ATP6AP2: variants seen among roughly 807,000 people sequenced by gnomAD.
ATP6AP2 encodes renin receptor.
In ATP6AP2, 1 loss-of-function variant was observed where a neutral mutation model predicts 23.4. The observed-to-expected ratio is 0.04, with a 90% CI of 0.02 to 0.20. The LOEUF (loss-of-function observed/expected upper bound fraction) is 0.20. Ranked by LOEUF, ATP6AP2 falls within the 10% of genes least tolerant of loss-of-function variation. ATP6AP2 has a pLI of 1.00. For synonymous variants in ATP6AP2, 90 were observed against 97.1 expected (o/e 0.93, Z 0.43); for missense variants, 174 against 271.3 (o/e 0.64, Z 2.52).
At chrX:40,589,558 GT>G (rs202012320) in intron 2 of ATP6AP2, 722 of 106,911 alleles carry the variant, frequency 6.8e-3, no homozygotes, top group South Asian at 0.014. Flanking sequence ...CTACTTTCTG[GT>G]TTTTTTTTTT....
intron 1 of ATP6AP2, among the ~76,000 whole-genome samples, chrX:40,583,676 G>A (rs1426347067): frequency 8.9e-6 from 1 of 111,806 alleles, no homozygotes; most frequent in East Asian, 2.8e-4. Context: ...GCATGACAAG[G>A]GTCATAAGGC....
intron 3 of ATP6AP2, chrX:40,592,312 C>T (rs370167160): frequency 2.7e-5 from 3 of 111,889 alleles, no homozygotes; most frequent in South Asian, 3.6e-4. Flanking sequence ...CTTAGAACTA[C>T]GGAGAATAGG....
chrX:40,585,815 C>T (rs779637304), intron 1 of ATP6AP2, among the ~76,000 whole-genome samples: 1 of 111,093 alleles, frequency 9.0e-6, no homozygotes, highest in Non-Finnish European at 1.9e-5. Context: ...GAGATCCTTA[C>T]CACTGCACTC....
chrX:40,589,597 T>C (rs1198606635), intron 2 of ATP6AP2: 2 of 117,339 alleles, frequency 1.7e-5, no homozygotes, highest in East Asian at 5.3e-4. Context: ...TCACTATGAA[T>C]GATAAAATAT....
At chrX:40,591,685 T>G (rs1926633519) in intron 3 of ATP6AP2, 3 of 251,842 alleles carry the variant, frequency 1.2e-5, no homozygotes. Context: ...CTACTGTTTT[T>G]TTGGCCATTG....
chrX:40,586,753 T>C lies in ATP6AP2; in HGVS notation c.38-2233T>C, dbSNP rs746541340. Among the ~76,000 whole-genome samples, 16 of 111,964 alleles carry C rather than the reference T, an allele frequency of 1.4e-4. No individual in the cohort carries two copies. In the South Asian group the frequency reaches 6.0e-3, roughly 42 times the overall value. On this transcript the variant is annotated intron_variant, in intron 1 of 8. Coordinates refer to ENST00000636580, the MANE Select transcript of ATP6AP2 (RefSeq NM_005765.3). ...TATCCCTGAGACATGCTTATACTTA[T>C]AATAAGCAGAAGTTTGGACAAATGA... is the stretch of plus-strand genomic sequence containing the variant.
chrX:40,600,704 TA>T, intron 7 of ATP6AP2, 57 bp from the exon 8 acceptor site: 2 of 1,120,033 alleles, frequency 1.8e-6, no homozygotes, highest in Admixed American at 2.4e-5. Context: ...ATTTGTTAAT[TA>T]AAAATGAAAA....
intron 1 of ATP6AP2, among the ~76,000 whole-genome samples, chrX:40,585,221 C>T (rs1926433541): frequency 8.9e-6 from 1 of 111,895 alleles, no homozygotes; most frequent in African/African-American, 3.3e-5. Flanking sequence ...AAATCAAATA[C>T]ATAATCTATT....
At chrX:40,581,242 G>C (rs867497089) in intron 1 of ATP6AP2, 140 bp downstream of exon 1, 226 of 673,142 alleles carry the variant, frequency 3.4e-4, no homozygotes, top group Middle Eastern at 2.7e-3. Flanking sequence ...CCTCAGCCGC[G>C]TCCCCGTCAG....
chrX:40,594,979 A>G (rs1175452813), intron 3 of ATP6AP2, among the ~76,000 whole-genome samples: 1 of 112,291 alleles, frequency 8.9e-6, no homozygotes, highest in Non-Finnish European at 1.9e-5. Flanking sequence ...GTAAATACAC[A>G]TAAAGTAGAA....
chrX:40,588,978 C>A lies in ATP6AP2; in HGVS notation c.38-8C>A, dbSNP rs1205121020. 1.7e-6 allele frequency: 2 copies of A among 1,206,874 alleles called. No individual in the cohort carries two copies. The highest frequency in any genetic ancestry group is 3.0e-5 in the East Asian group (1 of 33,825). ...GATAATTCATTTACTGATCTGTTTT[C>A]TTTTCAGGTGTTTTGGGGAACGAGT... On this transcript the variant is annotated splice_polypyrimidine_tract_variant and splice_region_variant and intron_variant, in intron 1 of 8. Coordinates refer to ENST00000636580, the MANE Select transcript of ATP6AP2 (RefSeq NM_005765.3).
intron 1 of ATP6AP2, among the ~76,000 whole-genome samples, chrX:40,584,222 G>T (rs891936623): frequency 9.1e-6 from 1 of 110,137 alleles, no homozygotes; most frequent in Non-Finnish European, 1.9e-5. Flanking sequence ...GACCACAGGC[G>T]CATGCCACCA....
intron 2 of ATP6AP2, chrX:40,589,956 C>T (rs928236486): frequency 1.8e-5 from 2 of 112,409 alleles, no homozygotes; most frequent in African/African-American, 6.5e-5. Context: ...CACTGCCAGG[C>T]CTAAGGGCAG....
chrX:40,598,435 G>A, intron 5 of ATP6AP2: 1 of 396,632 alleles, frequency 2.5e-6, no homozygotes, highest in Non-Finnish European at 4.4e-6. Context: ...CTTTATCATG[G>A]TTTTGCCAAA....
In ATP6AP2 at chrX:40,600,756, T is replaced by C. The variant is rs752631976; in HGVS notation, c.739-6T>C. ...ATTCCCAATAATGTTAATAACTAAC[T>C]TTCAGTTTGCAGATGACATGTACAG... is the stretch of plus-strand genomic sequence containing the variant. On this transcript the variant is annotated splice_polypyrimidine_tract_variant and splice_region_variant and intron_variant, in intron 7 of 8. Transcript: ENST00000636580. 1.7e-6 allele frequency: 2 copies of C among 1,201,987 alleles called. No homozygotes were observed. The highest frequency in any genetic ancestry group is 5.9e-5 in the East Asian group (2 of 33,729).
intron 1 of ATP6AP2, among the ~76,000 whole-genome samples, chrX:40,582,528 G>T (rs1437924246): frequency 8.9e-6 from 1 of 111,844 alleles, no homozygotes; most frequent in African/African-American, 3.3e-5. Context: ...GTATGCTCTT[G>T]AAATCTGCAG....
intron 6 of ATP6AP2, chrX:40,599,249 G>A (rs1253453165): frequency 4.0e-6 from 1 of 252,185 alleles, no homozygotes; most frequent in Admixed American, 6.2e-5. Flanking sequence ...GGGGAGTCTG[G>A]AAGTGTAGTG....
At chrX:40,591,441 C>T (rs746392528) in intron 3 of ATP6AP2, 76 bp downstream of exon 3, 35 of 1,034,174 alleles carry the variant, frequency 3.4e-5, no homozygotes, top group Non-Finnish European at 4.1e-5. Flanking sequence ...GAATTGCATT[C>T]TAAACATACT....
intron 8 of ATP6AP2, among the ~76,000 whole-genome samples, chrX:40,604,343 G>A: frequency 9.0e-6 from 1 of 111,594 alleles, no homozygotes; most frequent in Non-Finnish European, 1.9e-5. Context: ...CCACATGGCT[G>A]GGGAGGCCTT....
Sources: allele counts gnomAD v4.1 joint callset (sites outside exome capture counted in the v4.1 genomes callset), GRCh38; gene constraint gnomAD v4.1.1; transcripts MANE v1.5; gene names NCBI Gene and HGNC (gene_info 2026-07-23, HGNC 2026-07-21).